The following MLXIP variants were observed in gnomAD, a reference collection of about 807,000 sequenced individuals.
MLXIP encodes MLX-interacting protein.
A neutral mutation model predicts 87.2 loss-of-function variants in MLXIP; 30 were observed. The observed-to-expected ratio is 0.34, with a 90% CI of 0.26 to 0.47. The LOEUF (loss-of-function observed/expected upper bound fraction) is 0.47, where lower values mean the gene tolerates loss of function less well. Among genes scored for constraint, MLXIP ranks in the 20% least tolerant of loss-of-function variants. MLXIP has a pLI of 1.00. For missense variants in MLXIP, 1,002 were observed against 1,240.1 expected, an observed-to-expected ratio of 0.81 and a Z score of 2.88; for synonymous variants, 530 against 514.0, an observed-to-expected ratio of 1.03 and a Z score of -0.42.
intron 11 of MLXIP, chr12:122,136,067 G>A (rs1023865280): frequency 1.1e-5 from 2 of 181,764 alleles, no homozygotes; most frequent in South Asian, 1.4e-4. Context: ...GGGCACCAAC[G>A]TGGCCTTCCC....
chr12:122,078,828 G>A lies in MLXIP; in HGVS notation c.-26G>A, dbSNP rs1952047721. ...CTTGTCGCGTTGCCCCGGGCTCCGGGGGATGCCCCCGGCCGAGCCCTTCTC... is the reference window on the plus strand; with the variant it reads ...CTTGTCGCGTTGCCCCGGGCTCCGGAGGATGCCCCCGGCCGAGCCCTTCTC... On this transcript the variant is annotated 5_prime_UTR_variant, in exon 1 of 17. Coordinates refer to ENST00000319080, the MANE Select transcript of MLXIP (RefSeq NM_014938.6). 1 of 1,051,698 alleles carries A rather than the reference G, an allele frequency of 9.5e-7. No homozygotes were observed. Among genetic ancestry groups the A allele is most frequent in the Non-Finnish European group, 1.1e-6 (1 of 873,592 alleles). 65.1% of individuals were successfully genotyped at this position (1,051,698 alleles called of 1,614,324 possible). A position where few individuals can be genotyped will look rare whatever the true frequency, so the allele number is the denominator to read the frequency against.
At chr12:122,110,116 A>G (rs949036655) in intron 1 of MLXIP, among the ~76,000 whole-genome samples, 9 of 152,048 alleles carry the variant, frequency 5.9e-5, no homozygotes, top group Non-Finnish European at 4.4e-5. Flanking sequence ...ATCTTTACTG[A>G]ATTATCTCTT....
Position 122,118,186 on chromosome 12 carries a change from G to C in MLXIP, c.414-9070G>C, listed in dbSNP as rs138381173. Among the ~76,000 whole-genome samples the C allele has an allele frequency of 5.9e-5, 9 of 151,990 alleles. No individual in the cohort carries two copies. The East Asian group carries it at 1.6e-3, about 26-fold the overall frequency. ...GTGGATCTGCTGGACAAAGGGATGA[G>C]TCATGTCCCAGGCGGGACAGAGCGG... On this transcript the variant is annotated intron_variant, in intron 1 of 16. Coordinates refer to ENST00000319080, the MANE Select transcript of MLXIP (RefSeq NM_014938.6).
At chr12:122,139,091 G>C in intron 15 of MLXIP, 153 bp downstream of exon 15, 1 of 1,275,004 alleles carries the variant, frequency 7.8e-7, no homozygotes, top group South Asian at 1.5e-5. Flanking sequence ...TCGGGAGAGA[G>C]TGGTCCGGCC....
chr12:122,092,245 T>C (rs992026181), intron 1 of MLXIP, among the ~76,000 whole-genome samples: 2 of 152,040 alleles, frequency 1.3e-5, no homozygotes, highest in African/African-American at 4.8e-5. Context: ...CTACAAGGCA[T>C]GCAGCACCAT....
In MLXIP at chr12:122,138,569, G is replaced by A; in HGVS notation, c.2384+18G>A. 1 of 1,603,254 alleles carries A rather than the reference G, an allele frequency of 6.2e-7. No individual in the cohort carries two copies. Among genetic ancestry groups the A allele is most frequent in the South Asian group, 1.1e-5 (1 of 89,744 alleles). On this transcript the variant is annotated intron_variant, in intron 14 of 16. Coordinates refer to ENST00000319080, the MANE Select transcript of MLXIP (RefSeq NM_014938.6). Reference sequence around the variant, plus strand: ...ACCATCATGTGAGCTTCTGGGCCTTGGGGCTCCAACCAGGCACCCCATCCC... The same window carrying A: ...ACCATCATGTGAGCTTCTGGGCCTTAGGGCTCCAACCAGGCACCCCATCCC...
At chr12:122,104,839 C>T (rs1237671852) in intron 1 of MLXIP, among the ~76,000 whole-genome samples, 2 of 152,110 alleles carry the variant, frequency 1.3e-5, no homozygotes, top group African/African-American at 4.8e-5. Flanking sequence ...CTCGGCGTCT[C>T]AAAGTGCTAG....
chr12:122,092,973 GGTAT>G lies in MLXIP; in HGVS notation c.413+13714_413+13717del, dbSNP rs1343806466. ...TTTGTGTGGTGGGGTGTGTGGTGTG[GGTAT>G]GTATGTGTTGTGTGTGTTGTGTGTA... On this transcript the variant is annotated intron_variant, in intron 1 of 16. Transcript: ENST00000319080. Among the ~76,000 whole-genome samples, 8 of 138,146 alleles carry G rather than the reference GGTAT, an allele frequency of 5.8e-5. No homozygotes were observed. The South Asian group carries it at 6.9e-4, about 12-fold the overall frequency. 90.6% of individuals were successfully genotyped at this position (138,146 alleles called of 152,430 possible). A position where few individuals can be genotyped will look rare whatever the true frequency, so the allele number is the denominator to read the frequency against.
rs1473352824 is a variant in MLXIP at position 122,129,902 on chromosome 12, C to T, written c.739-39C>T. 4 of 1,583,126 alleles carry T rather than the reference C, an allele frequency of 2.5e-6. No homozygotes were observed. The Admixed American group carries it at 5.2e-5, about 21-fold the overall frequency. On this transcript the variant is annotated intron_variant, in intron 5 of 16. Coordinates refer to ENST00000319080, the MANE Select transcript of MLXIP (RefSeq NM_014938.6). ...GTGGGAATTCTTCGTCCCACTGTTA[C>T]TCTTTGATGCTTCCTCCCCTGTGTT...
chr12:122,141,444 C>T (rs1156970463), intron 16 of MLXIP, among the ~76,000 whole-genome samples: 1 of 152,240 alleles, frequency 6.6e-6, no homozygotes, highest in South Asian at 2.1e-4. Flanking sequence ...CTGGCAGCCC[C>T]ATGGCACCAG....
In MLXIP at chr12:122,140,941, CCA is replaced by C; in HGVS notation, c.2509-7_2509-6del. 1 of 1,614,038 alleles carries C rather than the reference CCA, an allele frequency of 6.2e-7. No individual in the cohort carries two copies. The highest frequency in any genetic ancestry group is 8.5e-7 in the Non-Finnish European group (1 of 1,179,900). Reference sequence around the variant, plus strand: ...CTCTCCGTGCTTGCCTTTTCTTTAACCACACACTGCAGTTCAGCATCATCATC... The same window carrying C: ...CTCTCCGTGCTTGCCTTTTCTTTAACCACACTGCAGTTCAGCATCATCATC... On this transcript the variant is annotated splice_polypyrimidine_tract_variant and intron_variant, in intron 15 of 16. Transcript: ENST00000319080.
intron 1 of MLXIP, among the ~76,000 whole-genome samples, chr12:122,123,802 C>T (rs1034383977): frequency 6.6e-6 from 1 of 152,152 alleles, no homozygotes; most frequent in Non-Finnish European, 1.5e-5. Flanking sequence ...TGGGCTCAAG[C>T]GACCTTCCTG....
At chr12:122,119,125 G>A (rs1478089265) in intron 1 of MLXIP, among the ~76,000 whole-genome samples, 2 of 151,706 alleles carry the variant, frequency 1.3e-5, no homozygotes, top group African/African-American at 2.4e-5. Context: ...CCGAGATCGC[G>A]CCACTACAAT....
At position 122,131,274 on chromosome 12, in the gene MLXIP, G is replaced by T. The variant is rs555788957; in HGVS notation, c.1000+341G>T. On this transcript the variant is annotated intron_variant, in intron 7 of 16. Transcript: ENST00000319080. ...CTGCCATTGTGACAGCAGCAGAAAC[G>T]TCAGGCCTGGGAGTGTTTCAGAGCC... Among the ~76,000 whole-genome samples the T allele has an allele frequency of 4.6e-5, 7 of 152,060 alleles. No individual in the cohort carries two copies. The South Asian group carries it at 1.2e-3, about 27-fold the overall frequency.
intron 1 of MLXIP, among the ~76,000 whole-genome samples, chr12:122,094,571 GGT>G (rs1277461753): frequency 2.2e-5 from 3 of 138,510 alleles, no homozygotes; most frequent in Non-Finnish European, 3.1e-5. Context: ...AGTGTGTGTT[GGT>G]GTGTGGTGTG....
intron 1 of MLXIP, among the ~76,000 whole-genome samples, chr12:122,114,758 T>TG (rs1555230217): frequency 2.9e-4 from 39 of 135,254 alleles, no homozygotes; most frequent in South Asian, 9.6e-4. Flanking sequence ...TTTTTTTTGG[T>TG]GGGGGGGGAC....
At position 122,127,926 on chromosome 12, in the gene MLXIP, C is replaced by T; in HGVS notation, c.564C>T (p.Pro188=). ...RKNPVCHFVT[P]LDGSVDVDEH... ...ATCCTGTGTGCCACTTTGTGACACC[C>T]CTGGACGGCTCTGTGGACGTAGACG... Residue 188 remains proline, a synonymous_variant, in exon 3 of 17, where the codon CCC becomes CCT. Coordinates refer to ENST00000319080, the MANE Select transcript of MLXIP (RefSeq NM_014938.6). 6.2e-7 allele frequency: 1 copy of T among 1,613,798 alleles called. No individual in the cohort carries two copies. Among genetic ancestry groups the T allele is most frequent in the Non-Finnish European group, 8.5e-7 (1 of 1,179,790 alleles).
At chr12:122,080,249 A>G (rs947422382) in intron 1 of MLXIP, among the ~76,000 whole-genome samples, 3 of 152,146 alleles carry the variant, frequency 2.0e-5, no homozygotes, top group Non-Finnish European at 2.9e-5. Flanking sequence ...AAAGCTCATG[A>G]TGGGATCTCT....
chr12:122,087,426 T>A (rs1593059157), intron 1 of MLXIP, among the ~76,000 whole-genome samples: 1 of 152,080 alleles, frequency 6.6e-6, no homozygotes, highest in South Asian at 2.1e-4. Flanking sequence ...TTAGGCTGGG[T>A]AGAGAAGTCC....
Sources: gnomAD v4.1 joint callset for allele counts (sites outside exome capture counted in the v4.1 genomes callset) on GRCh38, gnomAD v4.1.1 for gene constraint, MANE v1.5 for transcripts, NCBI Gene and HGNC (gene_info 2026-07-23, HGNC 2026-07-21) for gene names.